The following RABGAP1L variants were observed in gnomAD, a reference collection of about 807,000 sequenced individuals.
The protein encoded by RABGAP1L is rab GTPase-activating protein 1-like.
In RABGAP1L, 63 loss-of-function variants were observed where a neutral mutation model predicts 137.7. The ratio of observed to expected loss-of-function variants is 0.46; its 90% confidence interval spans 0.37 to 0.56. RABGAP1L has a LOEUF of 0.56. RABGAP1L is among the 20% of genes least tolerant of loss of function. The probability of loss-of-function intolerance (pLI) is 0.00; values close to 1 mark genes in which losing one functional copy is unlikely to be tolerated. For synonymous variants in RABGAP1L, 431 were observed against 433.7 expected (o/e 0.99, Z 0.08); for missense variants, 1,095 against 1,244.0 (o/e 0.88, Z 1.80).
chr1:174,848,840 T>A (rs1251335672), intron 19 of RABGAP1L, among the ~76,000 whole-genome samples: 69 of 151,370 alleles, frequency 4.6e-4, no homozygotes, highest in Non-Finnish European at 8.4e-4. Context: ...GCTGCCGCCT[T>A]GCAGTTTGAT....
chr1:174,516,406 T>TG (rs1299338149), intron 13 of RABGAP1L, among the ~76,000 whole-genome samples: 1 of 152,062 alleles, frequency 6.6e-6, no homozygotes, highest in Non-Finnish European at 1.5e-5. Context: ...TTTGTAGAGA[T>TG]GGGGGTCTTC....
At chr1:174,684,822 CA>C (rs1170466290) in intron 15 of RABGAP1L, among the ~76,000 whole-genome samples, 1 of 151,990 alleles carries the variant, frequency 6.6e-6, no homozygotes, top group Non-Finnish European at 1.5e-5. Flanking sequence ...ACCACACACA[CA>C]AAAGGTATCT....
At chr1:174,262,954 G>GT (rs1454664487) in intron 7 of RABGAP1L, among the ~76,000 whole-genome samples, 1 of 152,220 alleles carries the variant, frequency 6.6e-6, no homozygotes, top group Non-Finnish European at 1.5e-5. Flanking sequence ...CTTGCTTATT[G>GT]TAAGATCCAG....
chr1:174,967,167 C>A (rs1427976774), intron 20 of RABGAP1L, among the ~76,000 whole-genome samples: 4 of 139,748 alleles, frequency 2.9e-5, no homozygotes, highest in African/African-American at 1.0e-4. Flanking sequence ...TTCTTTCTTT[C>A]TTTTTTTTTT....
chr1:174,674,689 T>A lies in RABGAP1L; in HGVS notation c.1825-8833T>A, dbSNP rs556242566. On this transcript the variant is annotated intron_variant, in intron 14 of 25. Coordinates refer to ENST00000681986, the MANE Select transcript of RABGAP1L (RefSeq NM_001366446.1). ...CTGACTTCCACAATGGTTGAACTAG[T>A]TTACAGTCCCACCAACAGTGTAAAA... 4.1e-3 allele frequency among the ~76,000 whole-genome samples: 614 copies of A among 151,194 alleles called. 6 individuals carry two copies. The highest frequency in any genetic ancestry group is 0.014 in the African/African-American group (580 of 41,322).
intron 17 of RABGAP1L, among the ~76,000 whole-genome samples, chr1:174,703,166 C>T (rs756056840): frequency 2.3e-4 from 35 of 152,108 alleles, no homozygotes; most frequent in African/African-American, 6.3e-4. Context: ...TGTTTTGCTA[C>T]GTGGATATAT....
chr1:174,313,855 A>C (rs1260298783), intron 11 of RABGAP1L, among the ~76,000 whole-genome samples: 1 of 152,156 alleles, frequency 6.6e-6, no homozygotes, highest in Non-Finnish European at 1.5e-5. Flanking sequence ...GATAAATCTC[A>C]ATTGGTCATC....
chr1:174,694,055 G>A (rs1296844203), intron 15 of RABGAP1L, among the ~76,000 whole-genome samples: 1 of 151,998 alleles, frequency 6.6e-6, no homozygotes, highest in East Asian at 1.9e-4. Flanking sequence ...GATTTACATA[G>A]CATTTACATT....
intron 19 of RABGAP1L, among the ~76,000 whole-genome samples, chr1:174,899,945 G>C (rs1390113318): frequency 6.6e-6 from 1 of 152,040 alleles, no homozygotes; most frequent in African/African-American, 2.4e-5. Context: ...TGGGGGGGTA[G>C]AATAATCTTC....
At chr1:174,464,439 A>G (rs989676854) in intron 13 of RABGAP1L, among the ~76,000 whole-genome samples, 7 of 152,174 alleles carry the variant, frequency 4.6e-5, no homozygotes, top group Non-Finnish European at 7.3e-5. Flanking sequence ...AGGAGCATAT[A>G]CTATGCTGCC....
intron 11 of RABGAP1L, among the ~76,000 whole-genome samples, chr1:174,330,030 T>G (rs1680891480): frequency 6.6e-6 from 1 of 151,980 alleles, no homozygotes. Flanking sequence ...CTATTCAATA[T>G]AGTCCTGGAA....
chr1:174,670,611 T>C (rs561890184), intron 14 of RABGAP1L, among the ~76,000 whole-genome samples: 1 of 152,266 alleles, frequency 6.6e-6, no homozygotes, highest in East Asian at 1.9e-4. Flanking sequence ...ATTCAGTTGT[T>C]TTGATTTTTA....
intron 11 of RABGAP1L, among the ~76,000 whole-genome samples, chr1:174,350,538 C>T (rs1288399390): frequency 7.4e-6 from 1 of 135,122 alleles, no homozygotes; most frequent in East Asian, 2.4e-4. Context: ...GTGATGGCGG[C>T]TGGGAAGAGG....
At chr1:174,189,165 C>T (rs1056468379) in intron 1 of RABGAP1L, among the ~76,000 whole-genome samples, 5 of 152,118 alleles carry the variant, frequency 3.3e-5, no homozygotes, top group African/African-American at 1.2e-4. Context: ...GCCACCACAC[C>T]TGGCTAATTT....
chr1:174,517,916 A>C (rs1003245816), intron 13 of RABGAP1L, among the ~76,000 whole-genome samples: 3 of 152,138 alleles, frequency 2.0e-5, no homozygotes, highest in African/African-American at 7.2e-5. Flanking sequence ...TTTCTTTTTA[A>C]TGTTTTTAAA....
chr1:174,266,482 T>G (rs1674083950), intron 7 of RABGAP1L, among the ~76,000 whole-genome samples: 1 of 152,222 alleles, frequency 6.6e-6, no homozygotes, highest in Non-Finnish European at 1.5e-5. Flanking sequence ...TTTGTAGTTA[T>G]GGTATACATT....
chr1:174,545,836 G>A (rs769898717), intron 13 of RABGAP1L: 5 of 152,250 alleles, frequency 3.3e-5, no homozygotes, highest in African/African-American at 4.8e-5. Flanking sequence ...GAATGACATA[G>A]TACATTTTGA....
At chr1:174,968,069 G>A (rs541857848) in intron 20 of RABGAP1L, among the ~76,000 whole-genome samples, 9 of 151,926 alleles carry the variant, frequency 5.9e-5, no homozygotes, top group Non-Finnish European at 1.2e-4. Flanking sequence ...CCCTTACCAT[G>A]TGTTTCTTAG....
At chr1:174,512,850 T>G (rs1190118434) in intron 13 of RABGAP1L, among the ~76,000 whole-genome samples, 1 of 152,210 alleles carries the variant, frequency 6.6e-6, no homozygotes, top group African/African-American at 2.4e-5. Context: ...CAGAGAAGAA[T>G]AATTATTTAC....
Sources: gnomAD v4.1 joint callset for allele counts (sites outside exome capture counted in the v4.1 genomes callset) on GRCh38, gnomAD v4.1.1 for gene constraint, MANE v1.5 for transcripts, NCBI Gene and HGNC (gene_info 2026-07-23, HGNC 2026-07-21) for gene names.